MED13: variants seen among roughly 807,000 people sequenced by gnomAD.
The protein encoded by MED13 is mediator complex subunit 13, also known as mediator of RNA polymerase II transcription subunit 13.
MED13 carries 23 observed loss-of-function variants against 225.2 expected under a neutral mutation model. That is an observed-to-expected ratio of 0.10 (90% CI 0.07 to 0.14). MED13 has a LOEUF of 0.14. MED13 is among the 10% of genes least tolerant of loss of function. The probability of loss-of-function intolerance (pLI) is 1.00; values close to 1 mark genes in which losing one functional copy is unlikely to be tolerated. For missense variants in MED13, 2,197 were observed against 2,594.5 expected (o/e 0.85, Z 3.33); for synonymous variants, 942 against 889.2 (o/e 1.06, Z -1.06).
chr17:62,036,455 G>A (rs770257153), intron 3 of MED13, among the ~76,000 whole-genome samples: 2 of 152,066 alleles, frequency 1.3e-5, no homozygotes, highest in African/African-American at 2.4e-5. Context: ...GTCAAGTTGC[G>A]CAGAGGAGGA....
chr17:61,962,195 A>G (rs1328725942), intron 21 of MED13, among the ~76,000 whole-genome samples: 2 of 152,170 alleles, frequency 1.3e-5, no homozygotes, highest in African/African-American at 2.4e-5. Flanking sequence ...CTGAGGCAGG[A>G]GAATCTCTTG....
chr17:62,048,828 A>C (rs34259829), intron 3 of MED13, among the ~76,000 whole-genome samples: 1 of 152,176 alleles, frequency 6.6e-6, no homozygotes, highest in Non-Finnish European at 1.5e-5. Context: ...CTGCAATGTC[A>C]TAAGCTACTC....
intron 18 of MED13, 86 bp from the exon 19 acceptor site, chr17:61,966,737 T>A: frequency 1.1e-6 from 1 of 878,516 alleles, no homozygotes; most frequent in Non-Finnish European, 1.6e-6. Context: ...GAAAGCTACT[T>A]AAAATAAGCT....
At chr17:62,025,066 G>A (rs113361813) in intron 8 of MED13, among the ~76,000 whole-genome samples, 2 of 152,050 alleles carry the variant, frequency 1.3e-5, no homozygotes, top group African/African-American at 2.4e-5. Flanking sequence ...AGGATTGCTC[G>A]GTCAAATGGT....
At chr17:61,964,739 C>T (rs1487761993) in intron 20 of MED13, among the ~76,000 whole-genome samples, 1 of 152,038 alleles carries the variant, frequency 6.6e-6, no homozygotes, top group East Asian at 1.9e-4. Context: ...AGTTTGAGAC[C>T]AGCCTGGTCA....
chr17:62,039,753 G>T (rs183396013), intron 3 of MED13, among the ~76,000 whole-genome samples: 1 of 151,898 alleles, frequency 6.6e-6, no homozygotes, highest in Non-Finnish European at 1.5e-5. Context: ...CACTGCGTCC[G>T]GCTAGTTTTT....
chr17:62,050,769 C>A (rs562268979), intron 3 of MED13, among the ~76,000 whole-genome samples: 2 of 152,202 alleles, frequency 1.3e-5, no homozygotes, highest in East Asian at 1.9e-4. Context: ...TTTAGGAGGC[C>A]GAGGCGGGTG....
intron 8 of MED13, among the ~76,000 whole-genome samples, chr17:62,026,251 T>C (rs2080700688): frequency 6.6e-6 from 1 of 152,158 alleles, no homozygotes; most frequent in South Asian, 2.1e-4. Flanking sequence ...ATAAACTAAA[T>C]AAATTTCTAA....
intron 8 of MED13, among the ~76,000 whole-genome samples, chr17:62,015,932 ATATATATATATATATATATATAT>A (rs1385987255): frequency 1.3e-4 from 1 of 7,728 alleles, no homozygotes; most frequent in Non-Finnish European, 3.5e-4. Context: ...ATATATATAT[ATATATATATATATATATATATAT>A]TTTTTTTTTT....
chr17:61,980,672 C>T (rs566761002), intron 16 of MED13, among the ~76,000 whole-genome samples: 20 of 152,256 alleles, frequency 1.3e-4, no homozygotes, highest in South Asian at 6.2e-4. Flanking sequence ...TTCACCTAAG[C>T]TACTGAAACT....
At chr17:61,978,274 G>A (rs371237588) in intron 16 of MED13, among the ~76,000 whole-genome samples, 3 of 150,956 alleles carry the variant, frequency 2.0e-5, no homozygotes, top group South Asian at 2.1e-4. Flanking sequence ...TTTTCAGACC[G>A]AGTTTCACTC....
rs1378763672 is a variant in MED13, at chr17:61,962,720, T to A, written c.5064+32A>T. 1.9e-6 allele frequency: 3 copies of A among 1,585,348 alleles called. No homozygotes were observed. The Admixed American group carries it at 5.0e-5, about 27-fold the overall frequency. On this transcript the variant is annotated intron_variant, in intron 21 of 29. Transcript: ENST00000397786. The stretch of plus-strand genomic sequence containing the variant: ...TCTGACAACATTAAACTGTTTTACA[T>A]AATTTTAACTCACAACATCTATCAC...
intron 8 of MED13, among the ~76,000 whole-genome samples, chr17:62,029,018 A>G (rs980259675): frequency 1.1e-3 from 171 of 151,036 alleles, no homozygotes; most frequent in African/African-American, 4.1e-3. Context: ...TTAATTAGCC[A>G]GGTGTGGTGG....
chr17:61,961,180 A>T, intron 22 of MED13, 90 bp from the exon 23 acceptor site: 2 of 1,130,988 alleles, frequency 1.8e-6, no homozygotes, highest in Non-Finnish European at 1.2e-6. Flanking sequence ...CCCAATTATA[A>T]GATAATTGGA....
intron 3 of MED13, among the ~76,000 whole-genome samples, chr17:62,036,178 T>C (rs1351342813): frequency 2.6e-5 from 4 of 152,012 alleles, no homozygotes; most frequent in African/African-American, 9.7e-5. Flanking sequence ...TTAATTTTTA[T>C]TTTTGCCTAT....
chr17:61,971,632 T>C (rs1330108591), intron 17 of MED13, among the ~76,000 whole-genome samples: 1 of 152,120 alleles, frequency 6.6e-6, no homozygotes, highest in Non-Finnish European at 1.5e-5. Flanking sequence ...TGTAAAAGTT[T>C]ATACTAAAAT....
chr17:62,033,453 T>C (rs1331091990), intron 5 of MED13, among the ~76,000 whole-genome samples: 1 of 152,234 alleles, frequency 6.6e-6, no homozygotes, highest in Non-Finnish European at 1.5e-5. Context: ...CTTTGTCTAA[T>C]GCAATGTGAG....
chr17:62,002,539 G>A (rs1361634851), intron 9 of MED13, among the ~76,000 whole-genome samples: 1 of 149,392 alleles, frequency 6.7e-6, no homozygotes, highest in Non-Finnish European at 1.5e-5. Context: ...AGTAATTCAT[G>A]GAATTTATTT....
At chr17:61,996,245 C>T (rs892002718) in intron 9 of MED13, among the ~76,000 whole-genome samples, 2 of 152,088 alleles carry the variant, frequency 1.3e-5, no homozygotes, top group Admixed American at 1.3e-4. Context: ...CCCGACTGCT[C>T]GGTGAGTGTG....
Sources: allele counts gnomAD v4.1 joint callset (sites outside exome capture counted in the v4.1 genomes callset), GRCh38; gene constraint gnomAD v4.1.1; transcripts MANE v1.5; gene names NCBI Gene and HGNC (gene_info 2026-07-23, HGNC 2026-07-21).